ACSS3: variants seen among roughly 807,000 people sequenced by gnomAD.
The protein encoded by ACSS3 is acyl-CoA synthetase short chain family member 3, also known as acyl-CoA synthetase short-chain family member 3, mitochondrial.
ACSS3 carries 64 observed loss-of-function variants against 84.2 expected under a neutral mutation model. The observed-to-expected ratio is 0.76, with a 90% CI of 0.62 to 0.94. The LOEUF (loss-of-function observed/expected upper bound fraction) is 0.94, where lower values mean the gene tolerates loss of function less well. Among genes scored for constraint, ACSS3 ranks in the 40% least tolerant of loss-of-function variants. ACSS3 has a pLI of 0.00. For missense variants in ACSS3, 815 were observed against 867.6 expected (o/e 0.94, Z 0.76); for synonymous variants, 317 against 310.1 (o/e 1.02, Z -0.23).
intron 9 of ACSS3, among the ~76,000 whole-genome samples, chr12:81,200,337 G>C (rs1007219833): frequency 1.3e-5 from 2 of 152,120 alleles, no homozygotes; most frequent in Non-Finnish European, 2.9e-5. Context: ...GTCCCACTTA[G>C]TTCAATGAAT....
rs2034220002 is a variant in ACSS3 at position 81,253,682 on chromosome 12, A to G, written c.1995+12A>G. 1 of 1,604,906 alleles carries G rather than the reference A, an allele frequency of 6.2e-7. No individual in the cohort carries two copies. Among genetic ancestry groups the G allele is most frequent in the Non-Finnish European group, 8.5e-7 (1 of 1,173,384 alleles). On this transcript the variant is annotated intron_variant, in intron 15 of 15. Transcript: ENST00000548058. ...GCAAGCCATACAAGGTAAATTATCA[A>G]AGATATTTATTCCTGGGTTCTAAGA...
In ACSS3 at chr12:81,253,596, C is replaced by A. The variant is rs773687228; in HGVS notation, c.1921C>A (p.Gln641Lys). Residue 641 changes from glutamine (Q) to lysine (K), a missense_variant, in exon 15 of 16, where the codon CAG becomes AAG. Physicochemically the swap from Gln to Lys is moderately conservative, Grantham distance 53. Coordinates refer to ENST00000548058, the MANE Select transcript of ACSS3 (RefSeq NM_024560.4). The part of the protein sequence containing the change: ...AAFRNAVFVK[Q>K]LPKTRSGKIP... ...TTTTCGAAATGCAGTGTTTGTCAAA[C>A]AGCTACCCAAAACCAGATCTGGCAA... 1.9e-6 allele frequency: 3 copies of A among 1,614,010 alleles called. No individual in the cohort carries two copies. The East Asian group carries it at 6.7e-5, about 36-fold the overall frequency.
In ACSS3 at chr12:81,220,055, G is replaced by A; in HGVS notation, c.1493G>A (p.Cys498Tyr). ...DDNMQKLKAR[C>Y]LGNIVVKLPL... ...AACATGCAAAAACTGAAGGCTCGGTGTTTAGGAAATATTGTGGTAAAGTAA... is the reference window on the plus strand; with the variant it reads ...AACATGCAAAAACTGAAGGCTCGGTATTTAGGAAATATTGTGGTAAAGTAA... The change falls in exon 11 of 16, where the codon TGT becomes TAT. Residue 498 changes from cysteine to tyrosine, a missense_variant. Physicochemically the swap from Cys to Tyr is radical, Grantham distance 194. Coordinates refer to ENST00000548058, the MANE Select transcript of ACSS3 (RefSeq NM_024560.4). The A allele has an allele frequency of 6.5e-7, 1 of 1,541,088 alleles. No individual in the cohort carries two copies. The highest frequency in any genetic ancestry group is 8.8e-7 in the Non-Finnish European group (1 of 1,142,672).
At chr12:81,135,425 ATATAT>A (rs891350520) in intron 3 of ACSS3, among the ~76,000 whole-genome samples, 13 of 143,702 alleles carry the variant, frequency 9.0e-5, no homozygotes, top group East Asian at 2.0e-4. Context: ...ATATATAAAT[ATATAT>A]AATATATAAT....
chr12:81,165,743 T>A (rs1379356340), intron 7 of ACSS3, among the ~76,000 whole-genome samples: 1 of 152,176 alleles, frequency 6.6e-6, no homozygotes, highest in Non-Finnish European at 1.5e-5. Context: ...GACAATTTAT[T>A]TGTAAACTAC....
intron 8 of ACSS3, among the ~76,000 whole-genome samples, chr12:81,194,091 C>T (rs1421671591): frequency 6.6e-6 from 1 of 150,750 alleles, no homozygotes; most frequent in Non-Finnish European, 1.5e-5. Context: ...TTTTATAAAC[C>T]ACTGTACTTC....
chr12:81,078,010 C>T, upstream of ACSS3: 2 of 1,265,992 alleles, frequency 1.6e-6, no homozygotes, highest in South Asian at 1.6e-5. Context: ...CTTCTGGGCT[C>T]TGGGCTCACT....
intron 3 of ACSS3, among the ~76,000 whole-genome samples, chr12:81,136,801 T>G (rs930957586): frequency 6.6e-6 from 1 of 152,160 alleles, no homozygotes; most frequent in Non-Finnish European, 1.5e-5. Context: ...AAGAGGCAGG[T>G]CTTGCAGTAT....
chr12:81,199,219 T>A, intron 8 of ACSS3, 122 bp from the exon 9 acceptor site: 1 of 772,632 alleles, frequency 1.3e-6, no homozygotes. Flanking sequence ...GTGTGATGTA[T>A]TGGTTATATT....
At chr12:81,230,459 G>A (rs1055280614) in intron 11 of ACSS3, among the ~76,000 whole-genome samples, 1 of 151,814 alleles carries the variant, frequency 6.6e-6, no homozygotes, top group African/African-American at 2.4e-5. Context: ...ACATAGTTCT[G>A]TATATTTTCT....
intron 11 of ACSS3, among the ~76,000 whole-genome samples, chr12:81,221,780 C>T (rs923879376): frequency 2.0e-5 from 3 of 152,040 alleles, no homozygotes; most frequent in Non-Finnish European, 4.4e-5. Flanking sequence ...ATAATTTGAA[C>T]ACGTTTGTGG....
Position 81,112,294 on chromosome 12 carries a change from A to G in ACSS3, c.456+2590A>G, listed in dbSNP as rs542263886. ...CTTACATATTGTAAAAACATTACCT[A>G]TAGCCACATATTTAATTTGATACAT... On this transcript the variant is annotated intron_variant, in intron 2 of 15. Transcript: ENST00000548058. Among the ~76,000 whole-genome samples the G allele has an allele frequency of 3.3e-4, 50 of 152,352 alleles. 1 individual carries two copies. The highest frequency in any genetic ancestry group is 1.2e-3 in the African/African-American group (48 of 41,584).
At chr12:81,177,358 A>G (rs1038506269) in intron 8 of ACSS3, among the ~76,000 whole-genome samples, 4 of 152,166 alleles carry the variant, frequency 2.6e-5, no homozygotes, top group African/African-American at 7.2e-5. Context: ...GAAGGAAAAG[A>G]GGAAGTCAAA....
chr12:81,112,960 A>AT lies in ACSS3; in HGVS notation c.456+3262dup, dbSNP rs1433363165. ...GAAGTAGAGGTTTTCTAAAACTATC[A>AT]TTTTTTCTATAGATCTGAAAATATT... On this transcript the variant is annotated intron_variant, in intron 2 of 15. Coordinates refer to ENST00000548058, the MANE Select transcript of ACSS3 (RefSeq NM_024560.4). Among the ~76,000 whole-genome samples, 5 of 152,216 alleles carry AT rather than the reference A, an allele frequency of 3.3e-5. No individual in the cohort carries two copies. In the South Asian group the frequency reaches 1.0e-3, roughly 32 times the overall value.
chr12:81,104,952 G>A (rs1439561282), intron 1 of ACSS3: 2 of 152,050 alleles, frequency 1.3e-5, no homozygotes, highest in Admixed American at 1.3e-4. Flanking sequence ...TGAAATCTGG[G>A]CTTCAGCATA....
chr12:81,172,825 A>G (rs1289482135), intron 7 of ACSS3, among the ~76,000 whole-genome samples: 2 of 152,208 alleles, frequency 1.3e-5, no homozygotes, highest in Non-Finnish European at 2.9e-5. Flanking sequence ...TAATTATGAT[A>G]TTAATATCAC....
chr12:81,083,724 C>T (rs1051384896), intron 1 of ACSS3, among the ~76,000 whole-genome samples: 1 of 152,026 alleles, frequency 6.6e-6, no homozygotes, highest in African/African-American at 2.4e-5. Flanking sequence ...GTAATCTCAG[C>T]ACTTTGGGAG....
chr12:81,235,349 A>G (rs557967498), intron 13 of ACSS3, among the ~76,000 whole-genome samples: 50 of 151,354 alleles, frequency 3.3e-4, no homozygotes, highest in African/African-American at 1.2e-3. Context: ...ATTGATCTAC[A>G]TTATATTTTT....
At chr12:81,247,464 G>T (rs1451786872) in intron 13 of ACSS3, among the ~76,000 whole-genome samples, 1 of 152,036 alleles carries the variant, frequency 6.6e-6, no homozygotes, top group East Asian at 1.9e-4. Context: ...AGTTAAAATG[G>T]AAAAAGAGAA....
Sources: gnomAD v4.1 joint callset for allele counts (sites outside exome capture counted in the v4.1 genomes callset) on GRCh38, gnomAD v4.1.1 for gene constraint, MANE v1.5 for transcripts, NCBI Gene and HGNC (gene_info 2026-07-23, HGNC 2026-07-21) for gene names.